Variants in CLYBL observed in about 807,000 individuals in gnomAD.
CLYBL encodes citramalyl-CoA lyase.
In CLYBL, 31 loss-of-function variants were observed where a neutral mutation model predicts 38.9. That is an observed-to-expected ratio of 0.80 (90% CI 0.60 to 1.08). The LOEUF (loss-of-function observed/expected upper bound fraction) is 1.08, where lower values mean the gene tolerates loss of function less well. Ranked by LOEUF, CLYBL falls within the 50% of genes least tolerant of loss-of-function variation. CLYBL has a pLI of 0.00. For synonymous variants in CLYBL, 171 were observed against 158.6 expected (o/e 1.08, Z -0.59); for missense variants, 434 against 411.6 (o/e 1.05, Z -0.47).
At chr13:99,840,750 C>CAAAAAAAAAA (rs59274056) in intron 2 of CLYBL, among the ~76,000 whole-genome samples, 5 of 16,814 alleles carry the variant, frequency 3.0e-4, no homozygotes, top group African/African-American at 1.2e-3. Flanking sequence ...ACCCTTGTCT[C>CAAAAAAAAAA]AAAAAAAAAA....
intron 1 of CLYBL, among the ~76,000 whole-genome samples, chr13:99,756,080 C>G (rs1364745178): frequency 6.6e-6 from 1 of 152,186 alleles, no homozygotes; most frequent in East Asian, 1.9e-4. Context: ...CATGAAGCTC[C>G]TAGTTCAGCA....
At chr13:99,820,198 G>C (rs1002614827) in intron 2 of CLYBL, among the ~76,000 whole-genome samples, 3 of 152,220 alleles carry the variant, frequency 2.0e-5, no homozygotes, top group African/African-American at 7.2e-5. Flanking sequence ...TCAAAGGGCA[G>C]TTTGCCTTGT....
chr13:99,663,050 G>T (rs921668891), intron 1 of CLYBL, among the ~76,000 whole-genome samples: 1 of 152,218 alleles, frequency 6.6e-6, no homozygotes, highest in Non-Finnish European at 1.5e-5. Context: ...GGAATGAGAT[G>T]CAGTTAATGA....
chr13:99,728,818 A>G (rs1375149987), intron 1 of CLYBL, among the ~76,000 whole-genome samples: 1 of 152,100 alleles, frequency 6.6e-6, no homozygotes, highest in Non-Finnish European at 1.5e-5. Flanking sequence ...CCTGGGCTCA[A>G]AGAAGCCTCC....
At chr13:99,782,843 C>T (rs1415414722) in intron 2 of CLYBL, among the ~76,000 whole-genome samples, 2 of 152,040 alleles carry the variant, frequency 1.3e-5, no homozygotes, top group Non-Finnish European at 2.9e-5. Flanking sequence ...CTATTCTTTC[C>T]TTCAGAGATG....
chr13:99,617,411 C>T (rs1463937103), intron 1 of CLYBL, among the ~76,000 whole-genome samples: 1 of 152,136 alleles, frequency 6.6e-6, no homozygotes, highest in East Asian at 1.9e-4. Flanking sequence ...TGTTTGAAAG[C>T]ATACACTTGA....
chr13:99,800,852 C>T (rs1314700050), intron 2 of CLYBL, among the ~76,000 whole-genome samples: 2 of 147,214 alleles, frequency 1.4e-5, no homozygotes, highest in Non-Finnish European at 3.0e-5. Context: ...CCAGCCTGGG[C>T]GGCAGAGTGA....
At chr13:99,610,278 A>G (rs1247518815) in intron 1 of CLYBL, among the ~76,000 whole-genome samples, 3 of 152,214 alleles carry the variant, frequency 2.0e-5, no homozygotes, top group African/African-American at 4.8e-5. Flanking sequence ...AGTAAGTCCA[A>G]CATCTGGACT....
chr13:99,756,078 T>C (rs2049057553), intron 1 of CLYBL, among the ~76,000 whole-genome samples: 1 of 152,186 alleles, frequency 6.6e-6, no homozygotes, highest in Admixed American at 6.5e-5. Flanking sequence ...AGCATGAAGC[T>C]CCTAGTTCAG....
At chr13:99,662,354 C>T (rs1341061062) in intron 1 of CLYBL, among the ~76,000 whole-genome samples, 2 of 152,104 alleles carry the variant, frequency 1.3e-5, no homozygotes, top group Non-Finnish European at 1.5e-5. Context: ...TTCATTGATT[C>T]TCTTGAGCCA....
intron 1 of CLYBL, among the ~76,000 whole-genome samples, chr13:99,622,129 C>T (rs1270805489): frequency 6.6e-6 from 1 of 152,204 alleles, no homozygotes; most frequent in African/African-American, 2.4e-5. Context: ...GGTTCTGTTG[C>T]TTCTGCCACC....
At chr13:99,755,971 C>G (rs2049055697) in intron 1 of CLYBL, among the ~76,000 whole-genome samples, 1 of 152,176 alleles carries the variant, frequency 6.6e-6, no homozygotes, top group Non-Finnish European at 1.5e-5. Context: ...CCTAAGAATT[C>G]TATGTTCAGA....
At chr13:99,676,185 C>A (rs913384270) in intron 1 of CLYBL, among the ~76,000 whole-genome samples, 1 of 122,190 alleles carries the variant, frequency 8.2e-6, no homozygotes, top group African/African-American at 3.4e-5. Flanking sequence ...TCCCTCCGTC[C>A]GTCCTTCCTT....
Position 99,846,725 on chromosome 13 carries a change from T to C in CLYBL, c.250-12136T>C, listed in dbSNP as rs374676084. ...TTGCAAGGCTATGTGTGTCTTGTCA[T>C]TAGACATTTATACTTCTGTGGATAA... On this transcript the variant is annotated intron_variant, in intron 2 of 8. Coordinates refer to ENST00000339105, the MANE Select transcript of CLYBL (RefSeq NM_206808.5). Among the ~76,000 whole-genome samples the C allele has an allele frequency of 2.6e-5, 4 of 152,228 alleles. No homozygotes were observed. In the East Asian group the frequency reaches 7.7e-4, roughly 29 times the overall value.
At chr13:99,858,787 A>C in intron 2 of CLYBL, 74 bp from the exon 3 acceptor site, 1 of 998,156 alleles carries the variant, frequency 1.0e-6, no homozygotes, top group Non-Finnish European at 1.5e-6. Context: ...TCCACATAAC[A>C]GTTTCATCAA....
At chr13:99,788,536 C>T (rs1446284484) in intron 2 of CLYBL, among the ~76,000 whole-genome samples, 1 of 152,154 alleles carries the variant, frequency 6.6e-6, no homozygotes, top group Non-Finnish European at 1.5e-5. Flanking sequence ...AGCCTTGCAT[C>T]CCAGGGATGA....
chr13:99,799,377 T>TCTCACACACACACACACA (rs1555308849), intron 2 of CLYBL, among the ~76,000 whole-genome samples: 1 of 150,176 alleles, frequency 6.7e-6, no homozygotes, highest in African/African-American at 2.5e-5. Context: ...ATACACACAT[T>TCTCACACACACACACACA]CACACACACA....
intron 2 of CLYBL, among the ~76,000 whole-genome samples, chr13:99,851,876 T>C (rs1285686394): frequency 6.6e-6 from 1 of 152,184 alleles, no homozygotes; most frequent in Non-Finnish European, 1.5e-5. Flanking sequence ...CCTATGTCCA[T>C]ATAAAAACCT....
intron 6 of CLYBL, among the ~76,000 whole-genome samples, chr13:99,868,394 GAAGAAAAAGAAGGA>G (rs929225295): frequency 2.0e-5 from 3 of 152,040 alleles, no homozygotes; most frequent in Non-Finnish European, 4.4e-5. Context: ...TGCACAAGGA[GAAGAAAAAGAAGGA>G]AAGAAAAAAA....
Sources: allele counts gnomAD v4.1 joint callset (sites outside exome capture counted in the v4.1 genomes callset), GRCh38; gene constraint gnomAD v4.1.1; transcripts MANE v1.5; gene names NCBI Gene and HGNC (gene_info 2026-07-23, HGNC 2026-07-21).